Variants in PLEKHH2 observed in about 807,000 individuals in gnomAD.
The protein encoded by PLEKHH2 is pleckstrin homology domain-containing family H member 2.
In PLEKHH2, 129 loss-of-function variants were observed where a neutral mutation model predicts 187.9. The ratio of observed to expected loss-of-function variants is 0.69; its 90% CI spans 0.59 to 0.79. The LOEUF (loss-of-function observed/expected upper bound fraction) is 0.79, where lower values mean the gene tolerates loss of function less well. Ranked by LOEUF, PLEKHH2 falls within the 30% of genes least tolerant of loss-of-function variation. PLEKHH2 has a pLI of 0.00. For missense variants in PLEKHH2, 2,076 were observed against 1,751.2 expected (o/e 1.19, Z -3.31); for synonymous variants, 686 against 605.6 (o/e 1.13, Z -1.95).
chr2:43,710,636 A>G, intron 14 of PLEKHH2, 61 bp downstream of exon 14: 4 of 1,466,448 alleles, frequency 2.7e-6, no homozygotes, highest in Non-Finnish European at 3.6e-6. Flanking sequence ...ATTCTCAATT[A>G]TCCAACCTAA....
chr2:43,675,374 CTCAG>C (rs780968298), intron 2 of PLEKHH2: 1 of 1,571,834 alleles, frequency 6.4e-7, no homozygotes, highest in Non-Finnish European at 8.6e-7. Flanking sequence ...TTCTCCAGGC[CTCAG>C]TCATTTTCTG....
intron 3 of PLEKHH2, among the ~76,000 whole-genome samples, chr2:43,684,340 C>T (rs1052022448): frequency 1.3e-5 from 2 of 151,914 alleles, no homozygotes; most frequent in Non-Finnish European, 2.9e-5. Flanking sequence ...ATCTGTTCTT[C>T]CCTATCTTTC....
In PLEKHH2 at chr2:43,697,288, T is replaced by C; in HGVS notation, c.620T>C (p.Val207Ala). The C allele has an allele frequency of 1.2e-6, 2 of 1,613,968 alleles. No homozygotes were observed. Among genetic ancestry groups the C allele is most frequent in the Non-Finnish European group, 1.7e-6 (2 of 1,179,882 alleles). Reference protein sequence around the residue: ...LSRARSPPQVVKSEEMSKISS... With the variant: ...LSRARSPPQVAKSEEMSKISS... ...CGAGCAAGGAGTCCTCCTCAAGTAG[T>C]AAAATCTGAGGAAATGAGCAAGATA... is the stretch of plus-strand genomic sequence containing the variant. The change falls in exon 7 of 30, where the codon GTA (valine) becomes GCA (alanine). Residue 207 changes from valine to alanine, a missense_variant. By Grantham distance (64) the Val-to-Ala change is moderately conservative (BLOSUM62 0). Coordinates refer to ENST00000282406, the MANE Select transcript of PLEKHH2 (RefSeq NM_172069.4).
chr2:43,731,559 T>A lies in PLEKHH2; in HGVS notation c.2900T>A (p.Leu967Gln). Residue 967 changes from leucine to glutamine, a missense_variant, in exon 19 of 30, where the codon CTA (leucine) becomes CAA (glutamine). Transcript: ENST00000282406. Reference sequence around the variant, plus strand: ...GGAATCATTTCCCCTCTGACAACTCTACCTTCCGAAGCCCTGCAGACAGAA... The same window carrying A: ...GGAATCATTTCCCCTCTGACAACTCAACCTTCCGAAGCCCTGCAGACAGAA... ...KEGIISPLTT[L>Q]PSEALQTEAI... The A allele has an allele frequency of 6.2e-7, 1 of 1,604,066 alleles. No homozygotes were observed. The highest frequency in any genetic ancestry group is 8.5e-7 in the Non-Finnish European group (1 of 1,171,392).
In PLEKHH2 at chr2:43,738,412, T is replaced by G. The variant is rs1671401296; in HGVS notation, c.3015T>G (p.Ser1005Arg). 1 of 1,613,972 alleles carries G rather than the reference T, an allele frequency of 6.2e-7. No individual in the cohort carries two copies. The highest frequency in any genetic ancestry group is 8.5e-7 in the Non-Finnish European group (1 of 1,179,958). The change falls in exon 20 of 30, where the codon AGT becomes AGG. Residue 1005 changes from serine to arginine, a missense_variant. Coordinates refer to ENST00000282406, the MANE Select transcript of PLEKHH2 (RefSeq NM_172069.4). ...ATTACCACATATCTTTAGCCCAGAG[T>G]GCTTTGCAAATCTGCCTGACACATC... ...AIDYHISLAQ[S>R]ALQICLTHPE...
intron 2 of PLEKHH2, among the ~76,000 whole-genome samples, chr2:43,651,905 T>C (rs1308782107): frequency 2.0e-5 from 3 of 152,358 alleles, no homozygotes; most frequent in East Asian, 1.9e-4. Flanking sequence ...TATTTTCCTG[T>C]TTTTATGTTT....
intron 4 of PLEKHH2, among the ~76,000 whole-genome samples, chr2:43,694,017 C>T (rs944878095): frequency 6.6e-6 from 1 of 151,980 alleles, no homozygotes; most frequent in Non-Finnish European, 1.5e-5. Flanking sequence ...TAGAATTTCA[C>T]TATGTTTATT....
rs559813938 is a variant in PLEKHH2, at chr2:43,695,106, A to G, written c.421-37A>G. 10 of 1,126,550 alleles carry G rather than the reference A, an allele frequency of 8.9e-6. No homozygotes were observed. In the East Asian group the frequency reaches 2.6e-4, roughly 29 times the overall value. The allele number at this position is 1,126,550 out of a possible 1,614,324, so 69.8% of individuals were successfully genotyped here. ...TTTATTAGTACATTTTTATAATATT[A>G]TCTCTATATGAAAAGAATACCATTA... is the stretch of plus-strand genomic sequence containing the variant. On this transcript the variant is annotated intron_variant, in intron 5 of 29. Coordinates refer to ENST00000282406, the MANE Select transcript of PLEKHH2 (RefSeq NM_172069.4).
intron 28 of PLEKHH2, 101 bp downstream of exon 28, chr2:43,762,491 C>A: frequency 1.1e-6 from 1 of 881,610 alleles, no homozygotes; most frequent in Non-Finnish European, 1.8e-6. Context: ...TTTTCTCTTA[C>A]CCAGGAAACA....
At chr2:43,691,653 T>C (rs897244353) in intron 3 of PLEKHH2, among the ~76,000 whole-genome samples, 1 of 152,226 alleles carries the variant, frequency 6.6e-6, no homozygotes, top group Non-Finnish European at 1.5e-5. Context: ...TCTATCATTA[T>C]CACCTGAGTA....
chr2:43,728,459 CAG>C (rs1190530435), intron 17 of PLEKHH2, among the ~76,000 whole-genome samples: 2 of 103,598 alleles, frequency 1.9e-5, no homozygotes. Context: ...GCCTGGGTGA[CAG>C]AGCAAGACTC....
intron 19 of PLEKHH2, among the ~76,000 whole-genome samples, chr2:43,732,018 G>A (rs190421881): frequency 4.1e-4 from 63 of 152,144 alleles, no homozygotes; most frequent in South Asian, 2.5e-3. Flanking sequence ...ATGCAACTTC[G>A]CACTCTTTAT....
At chr2:43,653,422 A>G (rs1666585356) in intron 2 of PLEKHH2, among the ~76,000 whole-genome samples, 1 of 152,240 alleles carries the variant, frequency 6.6e-6, no homozygotes, top group South Asian at 2.1e-4. Flanking sequence ...TATCAAACCC[A>G]GAATTCTGCA....
In PLEKHH2 at chr2:43,709,935, G is replaced by T; in HGVS notation, c.1967-55G>T. The T allele has an allele frequency of 9.3e-6, 14 of 1,506,822 alleles. No individual in the cohort carries two copies. The South Asian group carries it at 1.8e-4, about 19-fold the overall frequency. The allele number at this position is 1,506,822 out of a possible 1,614,324, so 93.3% of individuals were successfully genotyped here. On this transcript the variant is annotated intron_variant, in intron 11 of 29. Transcript: ENST00000282406. ...TTCTGTAGGAGCACTCAGAGCTGGT[G>T]TTTGGCCCTCCCCAGTATTAAATAC... is the stretch of plus-strand genomic sequence containing the variant.
chr2:43,683,902 C>T (rs1314932237), intron 3 of PLEKHH2, among the ~76,000 whole-genome samples: 1 of 152,026 alleles, frequency 6.6e-6, no homozygotes, highest in Non-Finnish European at 1.5e-5. Flanking sequence ...TTCAGATTTA[C>T]AGCAAAATTG....
chr2:43,681,011 A>G, intron 3 of PLEKHH2: 1 of 1,248,876 alleles, frequency 8.0e-7, no homozygotes, highest in Non-Finnish European at 1.1e-6. Context: ...TGGAAAAGTC[A>G]CCTGTTCCCT....
intron 2 of PLEKHH2, chr2:43,676,211 G>C (rs771218919): frequency 6.2e-7 from 1 of 1,614,024 alleles, no homozygotes; most frequent in Non-Finnish European, 8.5e-7. Flanking sequence ...TCGTGGTCTT[G>C]AGTTTGACCT....
chr2:43,764,209 C>A lies in PLEKHH2; in HGVS notation c.4159-19C>A, dbSNP rs760182825. 5.8e-6 allele frequency: 8 copies of A among 1,369,564 alleles called. No homozygotes were observed. The highest frequency in any genetic ancestry group is 6.8e-6 in the Non-Finnish European group (7 of 1,033,460). 84.8% of individuals were successfully genotyped at this position (1,369,564 alleles called of 1,614,324 possible). On this transcript the variant is annotated intron_variant, in intron 28 of 29. Coordinates refer to ENST00000282406, the MANE Select transcript of PLEKHH2 (RefSeq NM_172069.4). Reference sequence around the variant, plus strand: ...GAAGTAAGAGCATATAACATATATACTTTTTCTTATCTTTAAAGAGGTTAA... The same window carrying A: ...GAAGTAAGAGCATATAACATATATAATTTTTCTTATCTTTAAAGAGGTTAA...
At position 43,758,989 on chromosome 2, in the gene PLEKHH2, G is replaced by A. The variant is rs1672326715; in HGVS notation, c.4031G>A (p.Arg1344Lys). Reference protein sequence around the residue: ...DCVRIYLTVARKWPFFGAKLF... With the variant: ...DCVRIYLTVAKKWPFFGAKLF... ...GTGCGCATTTATTTGACAGTAGCCA[G>A]GAAGTGGCCATTCTTTGGTGCCAAG... Residue 1344 changes from arginine (R) to lysine (K), a missense_variant, in exon 27 of 30, where the codon AGG (arginine) becomes AAG (lysine). Transcript: ENST00000282406. The A allele has an allele frequency of 1.9e-6, 3 of 1,612,746 alleles. No homozygotes were observed. Among genetic ancestry groups the A allele is most frequent in the Non-Finnish European group, 2.5e-6 (3 of 1,179,088 alleles).
Sources: gnomAD v4.1 joint callset for allele counts (sites outside exome capture counted in the v4.1 genomes callset) on GRCh38, gnomAD v4.1.1 for gene constraint, MANE v1.5 for transcripts, NCBI Gene and HGNC (gene_info 2026-07-23, HGNC 2026-07-21) for gene names.